Variants in ZNF804B observed in about 807,000 individuals in gnomAD.
The protein encoded by ZNF804B is zinc finger 804B.
In ZNF804B, 80 loss-of-function variants were observed where a neutral mutation model predicts 101.4. That is an observed-to-expected ratio of 0.79 (90% CI 0.66 to 0.95). The LOEUF is 0.95. ZNF804B is among the 40% of genes least tolerant of loss of function. The pLI is 0.00. For synonymous variants in ZNF804B, 622 were observed against 558.8 expected (o/e 1.11, Z -1.59); for missense variants, 1,673 against 1,561.9 (o/e 1.07, Z -1.20).
chr7:89,135,327 A>T (rs1282647160), intron 1 of ZNF804B, among the ~76,000 whole-genome samples: 1 of 152,112 alleles, frequency 6.6e-6, no homozygotes, highest in Non-Finnish European at 1.5e-5. Context: ...GCTGATCTTG[A>T]ATACAGCCCA....
chr7:88,866,212 TA>T (rs1791725287), intron 1 of ZNF804B, among the ~76,000 whole-genome samples: 2 of 152,244 alleles, frequency 1.3e-5, no homozygotes, highest in African/African-American at 4.8e-5. Context: ...AATTGTGATT[TA>T]AAATTATATT....
intron 2 of ZNF804B, among the ~76,000 whole-genome samples, chr7:89,324,977 C>T (rs1168713122): frequency 6.6e-6 from 1 of 150,958 alleles, no homozygotes; most frequent in Non-Finnish European, 1.5e-5. Context: ...TAATTATCCT[C>T]TACTGATGCA....
At chr7:88,991,051 A>C (rs950906125) in intron 1 of ZNF804B, among the ~76,000 whole-genome samples, 29 of 152,186 alleles carry the variant, frequency 1.9e-4, no homozygotes, top group African/African-American at 7.0e-4. Flanking sequence ...TAGAAAAATT[A>C]AGAAATACTA....
intron 2 of ZNF804B, among the ~76,000 whole-genome samples, chr7:89,324,061 C>G (rs1306907359): frequency 6.6e-6 from 1 of 151,378 alleles, no homozygotes; most frequent in African/African-American, 2.5e-5. Context: ...TGATAGTCCT[C>G]TTTTCATCAT....
chr7:88,811,616 A>G (rs1430535063), intron 1 of ZNF804B, among the ~76,000 whole-genome samples: 1 of 152,242 alleles, frequency 6.6e-6, no homozygotes, highest in African/African-American at 2.4e-5. Flanking sequence ...AAGGTGGTAC[A>G]TATACACCTG....
chr7:89,308,117 A>G (rs565502155), intron 2 of ZNF804B, among the ~76,000 whole-genome samples: 70 of 152,290 alleles, frequency 4.6e-4, no homozygotes, highest in Middle Eastern at 6.8e-3. Context: ...TTCAAATACA[A>G]TGCTCCTTAC....
chr7:89,086,422 A>G (rs1172977609), intron 1 of ZNF804B, among the ~76,000 whole-genome samples: 1 of 151,956 alleles, frequency 6.6e-6, no homozygotes, highest in Non-Finnish European at 1.5e-5. Context: ...TCACTCCTCT[A>G]TAGCTAGTGC....
At chr7:88,876,526 C>G (rs1473697096) in intron 1 of ZNF804B, among the ~76,000 whole-genome samples, 2 of 152,130 alleles carry the variant, frequency 1.3e-5, no homozygotes, top group Admixed American at 6.6e-5. Context: ...CTCAACACTT[C>G]TGGAGATCCT....
chr7:88,794,119 G>A (rs763839046), intron 1 of ZNF804B: 15 of 1,366,592 alleles, frequency 1.1e-5, no homozygotes, highest in Non-Finnish European at 1.4e-5. Flanking sequence ...CTTTAAAAAT[G>A]TTTTTTTTAT....
chr7:89,275,338 G>C (rs1337718409), intron 2 of ZNF804B, among the ~76,000 whole-genome samples: 2 of 151,922 alleles, frequency 1.3e-5, no homozygotes, highest in East Asian at 3.8e-4. Context: ...ACCTGCTTCT[G>C]CCCTTGTACA....
chr7:89,101,731 G>A (rs1050001729), intron 1 of ZNF804B, among the ~76,000 whole-genome samples: 6 of 151,658 alleles, frequency 4.0e-5, no homozygotes, highest in African/African-American at 1.5e-4. Flanking sequence ...TTTTAGATTC[G>A]GGGATACAAG....
intron 1 of ZNF804B, among the ~76,000 whole-genome samples, chr7:89,031,617 A>G (rs182365584): frequency 8.6e-5 from 13 of 151,406 alleles, no homozygotes; most frequent in Non-Finnish European, 1.6e-4. Flanking sequence ...TAAAATTTAC[A>G]GGATGTGGAA....
chr7:89,303,167 G>C (rs1790508721), intron 2 of ZNF804B, among the ~76,000 whole-genome samples: 1 of 151,794 alleles, frequency 6.6e-6, no homozygotes, highest in Non-Finnish European at 1.5e-5. Context: ...CTTCTTTGAA[G>C]CTGTGTTGTA....
chr7:89,206,344 A>C (rs1019734144), intron 1 of ZNF804B, among the ~76,000 whole-genome samples: 6 of 152,188 alleles, frequency 3.9e-5, no homozygotes, highest in Non-Finnish European at 8.8e-5. Context: ...CTTCCCAGAA[A>C]ATGGGGTTTT....
At chr7:89,117,113 A>T (rs939004292) in intron 1 of ZNF804B, among the ~76,000 whole-genome samples, 4 of 152,206 alleles carry the variant, frequency 2.6e-5, no homozygotes, top group Admixed American at 6.5e-5. Flanking sequence ...TCTAGTAGCC[A>T]TTACAAGCTG....
intron 1 of ZNF804B, among the ~76,000 whole-genome samples, chr7:89,145,685 C>T (rs1036003738): frequency 1.3e-5 from 2 of 151,988 alleles, no homozygotes; most frequent in African/African-American, 4.8e-5. Context: ...CAAACATATA[C>T]TTATTTCCCA....
In ZNF804B at chr7:88,880,366, AAGTTGAAAACAGATTAC is replaced by A. The variant is rs1226952872; in HGVS notation, c.108+120286_108+120302del. Among the ~76,000 whole-genome samples the A allele has an allele frequency of 3.4e-4, 52 of 152,212 alleles. 1 individual carries two copies. The highest frequency in any genetic ancestry group is 8.5e-4 in the Admixed American group (13 of 15,274). ...CATTGGTTTTGGCAAAGCAGATGAC[AAGTTGAAAACAGATTAC>A]AGTAGAAATAGTTTATTCTATATAG... On this transcript the variant is annotated intron_variant, in intron 1 of 3. Transcript: ENST00000333190.
intron 1 of ZNF804B, among the ~76,000 whole-genome samples, chr7:89,080,604 A>G (rs544046324): frequency 2.0e-5 from 3 of 152,030 alleles, no homozygotes; most frequent in Admixed American, 2.0e-4. Flanking sequence ...TGAGCCTTTT[A>G]TCCATGGAAG....
At chr7:89,115,746 G>C (rs1281163744) in intron 1 of ZNF804B, among the ~76,000 whole-genome samples, 1 of 152,130 alleles carries the variant, frequency 6.6e-6, no homozygotes, top group East Asian at 1.9e-4. Flanking sequence ...GTTGTGCAAT[G>C]AACTTTAGTA....
Sources: allele counts gnomAD v4.1 joint callset (sites outside exome capture counted in the v4.1 genomes callset), GRCh38; gene constraint gnomAD v4.1.1; transcripts MANE v1.5; gene names NCBI Gene and HGNC (gene_info 2026-07-23, HGNC 2026-07-21).